The following CDH23 variants were observed in gnomAD, a reference collection of about 807,000 sequenced individuals.
CDH23 encodes cadherin-23.
CDH23 carries 189 observed loss-of-function variants against 317.1 expected under a neutral mutation model. That is an observed-to-expected ratio of 0.60 (90% CI 0.53 to 0.67). The LOEUF is 0.67. CDH23 is among the 30% of genes least tolerant of loss of function. The probability of loss-of-function intolerance (pLI) is 0.00; values close to 1 mark genes in which losing one functional copy is unlikely to be tolerated. For synonymous variants in CDH23, 1,839 were observed against 1,876.8 expected (o/e 0.98, Z 0.52); for missense variants, 4,401 against 4,592.4 (o/e 0.96, Z 1.20).
At chr10:71,542,695 C>T (rs929569618) in intron 6 of CDH23, among the ~76,000 whole-genome samples, 8 of 152,212 alleles carry the variant, frequency 5.3e-5, no homozygotes, top group African/African-American at 1.9e-4. Flanking sequence ...AATTGAAAAG[C>T]ACCAGACTCC....
intron 1 of CDH23, among the ~76,000 whole-genome samples, chr10:71,402,744 T>C (rs4531381): frequency 0.33 from 30,566 of 91,790 alleles, 3,882 homozygotes; most frequent in Non-Finnish European, 0.44. Context: ...TGTGTGTGTG[T>C]GCACGCGCGC....
chr10:71,754,951 G>A (rs1296312176), intron 38 of CDH23: 1 of 400,900 alleles, frequency 2.5e-6, no homozygotes, highest in Non-Finnish European at 5.1e-6. Flanking sequence ...TTCCACTTCT[G>A]ATATTCCAAA....
chr10:71,785,899 C>T lies in CDH23; in HGVS notation c.5820+161C>T, dbSNP rs115464135. Reference sequence around the variant, plus strand: ...TCCCAGTTCTCTCCTTCAGTAGGTGCGTGGCTTTGGCTAGTTAACTCCTCT... The same window carrying T: ...TCCCAGTTCTCTCCTTCAGTAGGTGTGTGGCTTTGGCTAGTTAACTCCTCT... On this transcript the variant is annotated intron_variant, in intron 44 of 69. Coordinates refer to ENST00000224721, the MANE Select transcript of CDH23 (RefSeq NM_022124.6). 3.9e-3 allele frequency among the ~76,000 whole-genome samples: 598 copies of T among 152,268 alleles called. 3 individuals are homozygous for T. Among genetic ancestry groups the T allele is most frequent in the African/African-American group, 0.014 (570 of 41,540 alleles).
At chr10:71,544,592 G>C (rs1224352618) in intron 6 of CDH23, among the ~76,000 whole-genome samples, 1 of 152,154 alleles carries the variant, frequency 6.6e-6, no homozygotes, top group African/African-American at 2.4e-5. Flanking sequence ...TTAGTGACCG[G>C]GATGGAAAAG....
chr10:71,638,913 C>A (rs377289248), intron 11 of CDH23, among the ~76,000 whole-genome samples: 1 of 152,002 alleles, frequency 6.6e-6, no homozygotes, highest in South Asian at 2.1e-4. Context: ...AGGGAAGTTG[C>A]GGGGCAGCCC....
intron 52 of CDH23, 33 bp downstream of exon 52, chr10:71,799,662 G>A: frequency 1.2e-6 from 2 of 1,613,898 alleles, no homozygotes; most frequent in Non-Finnish European, 1.7e-6. Flanking sequence ...GAATTTGGAA[G>A]TGGGAAGGAC....
chr10:71,608,835 G>A (rs1161286871), intron 9 of CDH23, among the ~76,000 whole-genome samples: 1 of 152,208 alleles, frequency 6.6e-6, no homozygotes, highest in Non-Finnish European at 1.5e-5. Context: ...GGTGATACTG[G>A]ACCTTCAGAA....
At chr10:71,777,006 G>A (rs1278907258) in intron 38 of CDH23, among the ~76,000 whole-genome samples, 3 of 152,182 alleles carry the variant, frequency 2.0e-5, no homozygotes, top group Admixed American at 1.3e-4. Flanking sequence ...TATTACTTGT[G>A]GTCCAATTGA....
At chr10:71,677,807 C>A in intron 16 of CDH23, 114 bp downstream of exon 16, 1 of 837,464 alleles carries the variant, frequency 1.2e-6, no homozygotes. Context: ...ACTCTTTCAC[C>A]CAGGCTGGAG....
chr10:71,526,890 AC>A (rs1205440558), intron 6 of CDH23, among the ~76,000 whole-genome samples: 2 of 152,102 alleles, frequency 1.3e-5, no homozygotes, highest in Non-Finnish European at 2.9e-5. Flanking sequence ...CACTCCCAGC[AC>A]CCCTTACCAT....
chr10:71,398,174 G>T (rs995181658), intron 1 of CDH23, among the ~76,000 whole-genome samples: 48 of 152,336 alleles, frequency 3.2e-4, no homozygotes, highest in African/African-American at 1.2e-3. Flanking sequence ...GCGGAGATCC[G>T]ATGCCAGCCG....
At chr10:71,466,689 T>TTG (rs1009222771) in intron 3 of CDH23, among the ~76,000 whole-genome samples, 5 of 151,830 alleles carry the variant, frequency 3.3e-5, no homozygotes, top group African/African-American at 9.7e-5. Flanking sequence ...TTGTCCACAT[T>TTG]TGTGTGTGTG....
At chr10:71,477,404 G>T (rs992776672) in intron 3 of CDH23, among the ~76,000 whole-genome samples, 3 of 152,124 alleles carry the variant, frequency 2.0e-5, no homozygotes, top group African/African-American at 4.8e-5. Flanking sequence ...CCTGACCTCA[G>T]GTGATCCACC....
intron 3 of CDH23, among the ~76,000 whole-genome samples, chr10:71,471,539 G>A (rs1851509273): frequency 1.6e-5 from 1 of 63,492 alleles, no homozygotes; most frequent in Non-Finnish European, 2.9e-5. Context: ...CCCCAAGCCA[G>A]TGATACCCAG....
chr10:71,568,729 C>T (rs1857561035), intron 7 of CDH23, among the ~76,000 whole-genome samples: 1 of 152,174 alleles, frequency 6.6e-6, no homozygotes, highest in African/African-American at 2.4e-5. Flanking sequence ...GCAACAGTGT[C>T]AGTTCCCAGC....
intron 34 of CDH23, among the ~76,000 whole-genome samples, chr10:71,735,703 G>A (rs1300146410): frequency 2.6e-5 from 4 of 152,250 alleles, no homozygotes; most frequent in African/African-American, 9.6e-5. Context: ...ATTTCTTGGG[G>A]TTCTTGGCCC....
intron 35 of CDH23, among the ~76,000 whole-genome samples, chr10:71,739,111 G>T: frequency 6.6e-6 from 1 of 152,156 alleles, no homozygotes; most frequent in East Asian, 1.9e-4. Flanking sequence ...GTGTGTTTGC[G>T]GGTGTTAGCA....
rs1303137006 is a variant in CDH23, at chr10:71,761,020, T to C, written c.4846-16660T>C. The stretch of plus-strand genomic sequence containing the variant: ...AGTGTCCCCCTCCTGCCCCAGGTTC[T>C]CACGCTAGTGCCTACTCGGCAGTGT... On this transcript the variant is annotated intron_variant, in intron 38 of 69. Coordinates refer to ENST00000224721, the MANE Select transcript of CDH23 (RefSeq NM_022124.6). The C allele has an allele frequency of 5.6e-6, 7 of 1,249,018 alleles. No homozygotes were observed. The East Asian group carries it at 1.2e-4, about 21-fold the overall frequency. 77.4% of individuals were successfully genotyped at this position (1,249,018 alleles called of 1,614,324 possible).
intron 6 of CDH23, among the ~76,000 whole-genome samples, chr10:71,550,572 A>AG (rs1856526162): frequency 1.8e-5 from 2 of 113,290 alleles, no homozygotes; most frequent in Admixed American, 8.3e-5. Context: ...AAAAAAAAAA[A>AG]AAAAAGAAAA....
Sources: gnomAD v4.1 joint callset for allele counts (sites outside exome capture counted in the v4.1 genomes callset) on GRCh38, gnomAD v4.1.1 for gene constraint, MANE v1.5 for transcripts, NCBI Gene and HGNC (gene_info 2026-07-23, HGNC 2026-07-21) for gene names.